The following HTRA1 variants were observed in gnomAD, a reference collection of about 807,000 sequenced individuals.
The protein encoded by HTRA1 is serine protease HTRA1.
Under a neutral mutation model 49.7 loss-of-function variants are expected in HTRA1, and 26 were observed. The ratio of observed to expected loss-of-function variants is 0.52; its 90% CI spans 0.38 to 0.73. HTRA1 has a LOEUF of 0.73. HTRA1 is among the 30% of genes least tolerant of loss of function. HTRA1 has a pLI of 0.00. For synonymous variants in HTRA1, 291 were observed against 286.9 expected, an observed-to-expected ratio of 1.01 and a Z score of -0.14; for missense variants, 561 against 667.2, an observed-to-expected ratio of 0.84 and a Z score of 1.75.
intron 1 of HTRA1, among the ~76,000 whole-genome samples, chr10:122,465,387 C>T (rs1170240306): frequency 6.6e-6 from 1 of 152,186 alleles, no homozygotes; most frequent in African/African-American, 2.4e-5. Context: ...CATACTAATT[C>T]ATTTGATCCT....
intron 1 of HTRA1, among the ~76,000 whole-genome samples, chr10:122,481,558 C>T (rs1168838043): frequency 1.3e-5 from 2 of 152,234 alleles, no homozygotes; most frequent in African/African-American, 4.8e-5. Context: ...TGTCTATCCA[C>T]CTCTGCTCCT....
At chr10:122,467,916 C>G (rs1248577196) in intron 1 of HTRA1, among the ~76,000 whole-genome samples, 1 of 152,122 alleles carries the variant, frequency 6.6e-6, no homozygotes, top group East Asian at 1.9e-4. Context: ...GTGCCTAGAA[C>G]CACAGGGGGA....
chr10:122,481,017 G>A (rs1001095264), intron 1 of HTRA1, among the ~76,000 whole-genome samples: 1 of 151,852 alleles, frequency 6.6e-6, no homozygotes, highest in Non-Finnish European at 1.5e-5. Flanking sequence ...CTATTTTTTG[G>A]CTGTGAACTC....
At chr10:122,480,176 T>TGTGACATGAGCTGAAGTCAC (rs1042132593) in intron 1 of HTRA1, among the ~76,000 whole-genome samples, 4 of 152,118 alleles carry the variant, frequency 2.6e-5, no homozygotes, top group African/African-American at 9.7e-5. Flanking sequence ...CACACAGCTG[T>TGTGACATGAGCTGAAGTCAC]ACGGGGCAGA....
rs959440418 is a variant in HTRA1 at position 122,464,865 on chromosome 10, C to A, written c.472+2741C>A. ...TAGCTGCCATGGACATGAGCCTTTT[C>A]TAGGGGTGCCACTTGACTAGAGGCC... On this transcript the variant is annotated intron_variant, in intron 1 of 8. Coordinates refer to ENST00000368984, the MANE Select transcript of HTRA1 (RefSeq NM_002775.5). This position sits in a 1 kb window ranked among gnomAD's most constrained non-coding sequence, Gnocchi z 4.8. Among the ~76,000 whole-genome samples, 3 of 152,198 alleles carry A rather than the reference C, an allele frequency of 2.0e-5. No individual in the cohort carries two copies. Among genetic ancestry groups the A allele is most frequent in the Non-Finnish European group, 2.9e-5 (2 of 68,036 alleles).
At chr10:122,476,089 T>G (rs2097488342) in intron 1 of HTRA1, among the ~76,000 whole-genome samples, 1 of 152,222 alleles carries the variant, frequency 6.6e-6, no homozygotes, top group Non-Finnish European at 1.5e-5. Context: ...CCCTTTCGCT[T>G]CATGCCTCAC....
chr10:122,510,217 C>A, intron 7 of HTRA1, 64 bp downstream of exon 7: 2 of 1,339,430 alleles, frequency 1.5e-6, no homozygotes, highest in South Asian at 1.2e-5. Flanking sequence ...AGAAGGTGCT[C>A]ACGGGCACCC....
At chr10:122,489,651 G>A (rs778077909) in intron 3 of HTRA1, 25 bp downstream of exon 3, 1 of 1,607,070 alleles carries the variant, frequency 6.2e-7, no homozygotes, top group Non-Finnish European at 8.5e-7. Flanking sequence ...GCCTGCAGAG[G>A]TGAGTTCTCA....
Position 122,506,747 on chromosome 10 carries a change from C to A in HTRA1, c.834C>A (p.Phe278Leu). The stretch of plus-strand genomic sequence containing the variant: ...CCTCAGAGCTGCGGCCGGGAGAGTT[C>A]GTGGTCGCCATCGGAAGCCCGTTTT... ...GRSSELRPGE[F>L]VVAIGSPFSL... The change falls in exon 4 of 9, where the codon TTC (phenylalanine) becomes TTA (leucine). Residue 278 changes from phenylalanine (F) to leucine (L), a missense_variant. By Grantham distance (22) the Phe-to-Leu change is conservative (BLOSUM62 0). Transcript: ENST00000368984. This position sits in a 1 kb window ranked among gnomAD's most constrained non-coding sequence, Gnocchi z 5.2. 1.2e-6 allele frequency: 2 copies of A among 1,613,758 alleles called. No homozygotes were observed. The highest frequency in any genetic ancestry group is 1.7e-6 in the Non-Finnish European group (2 of 1,180,032).
chr10:122,474,418 C>T (rs992909909), intron 1 of HTRA1, among the ~76,000 whole-genome samples: 21 of 152,144 alleles, frequency 1.4e-4, no homozygotes, highest in African/African-American at 5.1e-4. Flanking sequence ...GGGGCTCGTT[C>T]ACCATCACCT....
chr10:122,513,723 T>TTTTTA (rs1374868691), intron 8 of HTRA1, among the ~76,000 whole-genome samples: 6 of 151,680 alleles, frequency 4.0e-5, no homozygotes, highest in South Asian at 2.1e-4. Flanking sequence ...GATGGTTTAT[T>TTTTTA]TTTTATTTTA....
Position 122,489,449 on chromosome 10 carries a change from G to A in HTRA1, c.600G>A (p.Pro200=), listed in dbSNP as rs1472617576. ...TTCCGTTTTCTAAACGAGAGGTGCC[G>A]GTGGCTAGTGGGTCTGGGTTTATTG... ...RKLPFSKREV[P]VASGSGFIVS... The change falls in exon 3 of 9, where the codon CCG becomes CCA. Residue 200 remains proline (P), a synonymous_variant. Coordinates refer to ENST00000368984, the MANE Select transcript of HTRA1 (RefSeq NM_002775.5). 3.7e-6 allele frequency: 6 copies of A among 1,614,164 alleles called. No individual in the cohort carries two copies. Among genetic ancestry groups the A allele is most frequent in the Non-Finnish European group, 5.1e-6 (6 of 1,180,030 alleles).
chr10:122,462,392 G>A (rs1208081889), intron 1 of HTRA1, among the ~76,000 whole-genome samples: 3 of 152,244 alleles, frequency 2.0e-5, no homozygotes, highest in African/African-American at 7.2e-5. Context: ...CCGGGCGACC[G>A]GCCATGGAGT....
intron 1 of HTRA1, among the ~76,000 whole-genome samples, chr10:122,482,463 C>T (rs901103290): frequency 1.3e-5 from 2 of 152,002 alleles, no homozygotes; most frequent in East Asian, 1.9e-4. Context: ...CCTGAAATAT[C>T]GATGAATTTT....
At position 122,462,046 on chromosome 10, in the gene HTRA1, C is replaced by T. The variant is rs2133905456; in HGVS notation, c.394C>T (p.Leu132=). The change falls in exon 1 of 9, where the codon CTG becomes TTG. Residue 132 remains leucine, a synonymous_variant. Coordinates refer to ENST00000368984, the MANE Select transcript of HTRA1 (RefSeq NM_002775.5). ...DANTYANLCQ[L]RAASRRSERL... is the part of the protein sequence containing the mutation. Reference sequence around the variant, plus strand: ...CAACACCTACGCCAACCTGTGCCAGCTGCGCGCCGCCAGCCGCCGCTCCGA... The same window carrying T: ...CAACACCTACGCCAACCTGTGCCAGTTGCGCGCCGCCAGCCGCCGCTCCGA... 6.5e-7 allele frequency: 1 copy of T among 1,533,602 alleles called. No individual in the cohort carries two copies. Among genetic ancestry groups the T allele is most frequent in the South Asian group, 1.2e-5 (1 of 83,922 alleles). 95.0% of individuals were successfully genotyped at this position (1,533,602 alleles called of 1,614,324 possible).
rs191281055 is a variant in HTRA1 at position 122,479,255 on chromosome 10, T to A, written c.473-9647T>A. On this transcript the variant is annotated intron_variant, in intron 1 of 8. Coordinates refer to ENST00000368984, the MANE Select transcript of HTRA1 (RefSeq NM_002775.5). ...TGTGAAGCATGTTCCCACAATGGTG[T>A]GGGCTGCGGGGGGCTGGAGGCTGGC... Among the ~76,000 whole-genome samples, 93 of 152,204 alleles carry A rather than the reference T, an allele frequency of 6.1e-4. 1 individual carries two copies. The East Asian group carries it at 0.016, about 26-fold the overall frequency.
Position 122,477,031 on chromosome 10 carries a change from A to C in HTRA1, c.473-11871A>C, listed in dbSNP as rs1327242888. Among the ~76,000 whole-genome samples the C allele has an allele frequency of 5.5e-5, 8 of 145,816 alleles. No individual in the cohort carries two copies. The Admixed American group carries it at 5.7e-4, about 10-fold the overall frequency. On this transcript the variant is annotated intron_variant, in intron 1 of 8. Coordinates refer to ENST00000368984, the MANE Select transcript of HTRA1 (RefSeq NM_002775.5). ...CACCCAGGCTGGAGTGCACTGGCGCAATCTTGGCTCACTGCAAGCTCCGCC... is the reference window on the plus strand; with the variant it reads ...CACCCAGGCTGGAGTGCACTGGCGCCATCTTGGCTCACTGCAAGCTCCGCC...
intron 6 of HTRA1, among the ~76,000 whole-genome samples, chr10:122,509,640 G>T (rs2097504712): frequency 6.6e-6 from 1 of 152,184 alleles, no homozygotes; most frequent in Admixed American, 6.5e-5. Context: ...GGAAGTTTAT[G>T]ATCTGATTGA....
chr10:122,504,005 C>T (rs1196877309), intron 3 of HTRA1, among the ~76,000 whole-genome samples: 1 of 152,172 alleles, frequency 6.6e-6, no homozygotes, highest in Non-Finnish European at 1.5e-5. Flanking sequence ...CACGGGTGTC[C>T]ATCTTGTCGA....
Sources: allele counts gnomAD v4.1 joint callset (sites outside exome capture counted in the v4.1 genomes callset), GRCh38; gene constraint gnomAD v4.1.1; non-coding constraint Gnocchi (gnomAD v3.1); transcripts MANE v1.5; gene names NCBI Gene and HGNC (gene_info 2026-07-23, HGNC 2026-07-21).